Variants in IGF1R observed in about 807,000 individuals in gnomAD.
IGF1R encodes the protein insulin like growth factor 1 receptor, also known as insulin-like growth factor 1 receptor.
IGF1R carries 44 observed loss-of-function variants against 144.6 expected under a neutral mutation model. That is an observed-to-expected ratio of 0.30 (90% CI 0.24 to 0.39). IGF1R has a LOEUF of 0.39. Ranked by LOEUF, IGF1R falls within the 10% of genes least tolerant of loss-of-function variation. The probability of loss-of-function intolerance (pLI) is 1.00; values close to 1 mark genes in which losing one functional copy is unlikely to be tolerated. For synonymous variants in IGF1R, 795 were observed against 722.8 expected, an observed-to-expected ratio of 1.10 and a Z score of -1.60; for missense variants, 1,355 against 1,833.7, an observed-to-expected ratio of 0.74 and a Z score of 4.77.
At position 98,962,790 on chromosome 15, in the gene IGF1R, G is replaced by A. The variant is rs887788643; in HGVS notation, c.*5348G>A. On this transcript the variant is annotated 3_prime_UTR_variant, in exon 21 of 21. Coordinates refer to ENST00000650285, the MANE Select transcript of IGF1R (RefSeq NM_000875.5). ...GCTCAGCAGTCATCCGTGGGCATTT[G>A]GTTTCAACAAAGAAACCTAACATCC... The A allele has an allele frequency of 1.3e-5, 3 of 233,446 alleles. No homozygotes were observed. Among genetic ancestry groups the A allele is most frequent in the Non-Finnish European group, 2.5e-5 (3 of 118,056 alleles). 14.5% of individuals were successfully genotyped at this position (233,446 alleles called of 1,614,324 possible). A position where few individuals can be genotyped will look rare whatever the true frequency, so the allele number is the denominator to read the frequency against.
intron 2 of IGF1R, among the ~76,000 whole-genome samples, chr15:98,831,952 G>C (rs1272117998): frequency 1.3e-5 from 2 of 152,086 alleles, no homozygotes; most frequent in Non-Finnish European, 2.9e-5. Flanking sequence ...TCAGAGAACA[G>C]CCTTGTCCTG....
intron 2 of IGF1R, among the ~76,000 whole-genome samples, chr15:98,878,032 C>A (rs916620832): frequency 6.6e-5 from 10 of 152,208 alleles, no homozygotes; most frequent in African/African-American, 2.4e-4. Flanking sequence ...ACATTTGCAG[C>A]CACAGCTGTG....
intron 13 of IGF1R, 34 bp from the exon 14 acceptor site, chr15:98,929,524 G>A (rs1223699299): frequency 1.3e-6 from 2 of 1,499,494 alleles, no homozygotes; most frequent in South Asian, 2.3e-5. Flanking sequence ...TGTTCACCTG[G>A]TGATATTTTA....
intron 20 of IGF1R, among the ~76,000 whole-genome samples, chr15:98,953,564 C>T (rs990639496): frequency 6.6e-6 from 1 of 152,100 alleles, no homozygotes; most frequent in African/African-American, 2.4e-5. Context: ...CGTAAAAGGT[C>T]CCGGCTGCTG....
chr15:98,905,386 G>A (rs994043518), intron 5 of IGF1R, among the ~76,000 whole-genome samples: 1 of 152,098 alleles, frequency 6.6e-6, no homozygotes, highest in East Asian at 1.9e-4. Context: ...GTCAGGTGTG[G>A]TGGCTCACAC....
At chr15:98,772,441 C>T (rs1338037982) in intron 2 of IGF1R, among the ~76,000 whole-genome samples, 1 of 149,880 alleles carries the variant, frequency 6.7e-6, no homozygotes, top group Non-Finnish European at 1.5e-5. Context: ...AAAAAATAAA[C>T]ATGAAGGAAG....
rs186130903 is a variant in IGF1R at position 98,697,941 on chromosome 15, G to A, written c.95-9621G>A. 2.3e-3 allele frequency among the ~76,000 whole-genome samples: 347 copies of A among 151,656 alleles called. 3 individuals carry two copies. Among genetic ancestry groups the A allele is most frequent in the African/African-American group, 8.0e-3 (332 of 41,358 alleles). ...TTAGAGATGGGGTTTCGCCATGTTG[G>A]CCAGGCCGGTCTTGAATTCCTGGCC... On this transcript the variant is annotated intron_variant, in intron 1 of 20. Coordinates refer to ENST00000650285, the MANE Select transcript of IGF1R (RefSeq NM_000875.5).
At chr15:98,909,394 G>C (rs1215092779) in intron 6 of IGF1R, among the ~76,000 whole-genome samples, 1 of 151,666 alleles carries the variant, frequency 6.6e-6, no homozygotes, top group South Asian at 2.1e-4. Flanking sequence ...GAGCAGCTGA[G>C]ATTACAGACA....
intron 2 of IGF1R, among the ~76,000 whole-genome samples, chr15:98,819,185 G>A (rs2056758191): frequency 1.3e-5 from 2 of 151,552 alleles, no homozygotes; most frequent in Non-Finnish European, 2.9e-5. Flanking sequence ...GGCCAGGAAT[G>A]GAGAGAAACA....
chr15:98,668,808 GGTCT>G (rs66889869), intron 1 of IGF1R, among the ~76,000 whole-genome samples: 112,563 of 151,668 alleles, frequency 0.74, 45,603 homozygotes, highest in Non-Finnish European at 0.89. Context: ...GACCCTCCAG[GGTCT>G]GTTTTGTAAA....
chr15:98,920,490 A>G (rs1209386772), intron 10 of IGF1R, among the ~76,000 whole-genome samples: 2 of 152,218 alleles, frequency 1.3e-5, no homozygotes, highest in East Asian at 1.9e-4. Context: ...GCAACTTCTG[A>G]CAGACACAAG....
chr15:98,651,750 G>GC, intron 1 of IGF1R, among the ~76,000 whole-genome samples: 1 of 152,256 alleles, frequency 6.6e-6, no homozygotes, highest in Non-Finnish European at 1.5e-5. Context: ...TGATACCAAA[G>GC]CTTCCCCCCA....
In IGF1R at chr15:98,963,438, C is replaced by T. The variant is rs778664150; in HGVS notation, c.*5996C>T. ...GGGAAGGGGATCATTTTTTACTGGT[C>T]ATTTCCCTTTGGAGTGTAGCTACTT... is the stretch of plus-strand genomic sequence containing the variant. On this transcript the variant is annotated 3_prime_UTR_variant, in exon 21 of 21. Coordinates refer to ENST00000650285, the MANE Select transcript of IGF1R (RefSeq NM_000875.5). 1 of 233,140 alleles carries T rather than the reference C, an allele frequency of 4.3e-6. No homozygotes were observed. The highest frequency in any genetic ancestry group is 8.5e-6 in the Non-Finnish European group (1 of 118,048). The allele number at this position is 233,140 out of a possible 1,614,324, so 14.4% of individuals were successfully genotyped here. A position where few individuals can be genotyped will look rare whatever the true frequency, so the allele number is the denominator to read the frequency against.
chr15:98,825,712 C>G (rs2056882745), intron 2 of IGF1R, among the ~76,000 whole-genome samples: 1 of 152,192 alleles, frequency 6.6e-6, no homozygotes, highest in Non-Finnish European at 1.5e-5. Flanking sequence ...TACGTTAGAC[C>G]ATCTGTAGAT....
At position 98,649,609 on chromosome 15, in the gene IGF1R, C is replaced by T. The variant is rs530243293; in HGVS notation, c.28C>T (p.Pro10Ser). 19 of 1,609,654 alleles carry T rather than the reference C, an allele frequency of 1.2e-5. No homozygotes were observed. In the South Asian group the frequency reaches 2.0e-4, roughly 17 times the overall value. MKSGSGGGS[P>S]TSLWGLLFLS... ...GAAGTCTGGCTCCGGAGGAGGGTCC[C>T]CGACCTCGCTGTGGGGGCTCCTGTT... Residue 10 changes from proline to serine, a missense_variant, in exon 1 of 21, where the codon CCG becomes TCG. By Grantham distance (74) the Pro-to-Ser change is moderately conservative (BLOSUM62 -1). Transcript: ENST00000650285.
intron 2 of IGF1R, among the ~76,000 whole-genome samples, chr15:98,737,236 G>A (rs1331705453): frequency 6.6e-6 from 1 of 152,194 alleles, no homozygotes; most frequent in African/African-American, 2.4e-5. Context: ...GGAACAGGCG[G>A]CAGCTGCTCT....
chr15:98,904,553 GT>G (rs1490421246), intron 5 of IGF1R, among the ~76,000 whole-genome samples: 2 of 152,212 alleles, frequency 1.3e-5, no homozygotes, highest in African/African-American at 4.8e-5. Context: ...AAACCAGCCT[GT>G]TTGCAGATGG....
intron 2 of IGF1R, among the ~76,000 whole-genome samples, chr15:98,811,896 C>G (rs1365373779): frequency 6.6e-6 from 1 of 152,228 alleles, no homozygotes; most frequent in Non-Finnish European, 1.5e-5. Context: ...GCAGTCCAGC[C>G]TGGGTGACAG....
intron 2 of IGF1R, among the ~76,000 whole-genome samples, chr15:98,727,752 C>T (rs900994620): frequency 2.6e-5 from 4 of 152,152 alleles, no homozygotes; most frequent in South Asian, 2.1e-4. Context: ...CGGGTGGGTC[C>T]AGCACCCGCT....
Sources: gnomAD v4.1 joint callset for allele counts (sites outside exome capture counted in the v4.1 genomes callset) on GRCh38, gnomAD v4.1.1 for gene constraint, MANE v1.5 for transcripts, NCBI Gene and HGNC (gene_info 2026-07-23, HGNC 2026-07-21) for gene names.